Variants in CYRIB observed in about 807,000 individuals in gnomAD.
The protein encoded by CYRIB is CYFIP related Rac1 interactor B.
Under a neutral mutation model 44.2 loss-of-function variants are expected in CYRIB, and 8 were observed. That is an observed-to-expected ratio of 0.18 (90% CI 0.11 to 0.33). The LOEUF (loss-of-function observed/expected upper bound fraction) is 0.33. CYRIB is among the 10% of genes least tolerant of loss of function. The pLI is 1.00. For synonymous variants in CYRIB, 131 were observed against 127.2 expected, an observed-to-expected ratio of 1.03 and a Z score of -0.20; for missense variants, 185 against 382.8, an observed-to-expected ratio of 0.48 and a Z score of 4.31.
At chr8:129,934,051 T>G (rs2092322077) in intron 1 of CYRIB, among the ~76,000 whole-genome samples, 1 of 152,144 alleles carries the variant, frequency 6.6e-6, no homozygotes, top group South Asian at 2.1e-4. Context: ...AAGGATCACT[T>G]TGAGCCATAA....
At chr8:130,017,125 GGCCT>G (rs967838211), upstream of CYRIB, 1 of 152,200 alleles carries the variant, frequency 6.6e-6, no homozygotes, top group African/African-American at 2.4e-5. Flanking sequence ...ATACTTACTG[GGCCT>G]ACTAAGTGCC....
intron 5 of CYRIB, among the ~76,000 whole-genome samples, chr8:129,856,699 G>A (rs1486049595): frequency 6.6e-6 from 1 of 152,148 alleles, no homozygotes; most frequent in Non-Finnish European, 1.5e-5. Flanking sequence ...TTACGTATGA[G>A]TCAACATCTA....
In CYRIB at chr8:129,922,562, T is replaced by C. The variant is rs545567762; in HGVS notation, c.-50+17046A>G. On this transcript the variant is annotated intron_variant, in intron 1 of 11. Transcript: ENST00000519824. ...AAAAAATGGCAAAACACCAAGATCATTTAAAAAATATCTAATAAAGGCCGG... is the reference window on the plus strand; with the variant it reads ...AAAAAATGGCAAAACACCAAGATCACTTAAAAAATATCTAATAAAGGCCGG... Among the ~76,000 whole-genome samples the C allele has an allele frequency of 7.2e-5, 11 of 152,242 alleles. No homozygotes were observed. The East Asian group carries it at 1.7e-3, about 24-fold the overall frequency.
At chr8:129,949,694 AC>A (rs1468276477) in intron 2 of CYRIB, among the ~76,000 whole-genome samples, 2 of 150,678 alleles carry the variant, frequency 1.3e-5, no homozygotes, top group African/African-American at 2.5e-5. Context: ...ACATAGAGAA[AC>A]CCTGTCTCTA....
In CYRIB at chr8:130,011,556, G is replaced by A. The variant is rs539655945; in HGVS notation, c.-296+4814C>T. Among the ~76,000 whole-genome samples the A allele has an allele frequency of 1.0e-3, 157 of 151,964 alleles. 1 individual carries two copies. Among genetic ancestry groups the A allele is most frequent in the African/African-American group, 3.5e-3 (143 of 41,418 alleles). ...AATTAGGCTGGGCATGGTGGCTCAC[G>A]CCTGTAATCCCAGCACGTTGGGAGG... On this transcript the variant is annotated intron_variant, in intron 1 of 14. Transcript: ENST00000401979.
intron 1 of CYRIB, among the ~76,000 whole-genome samples, chr8:129,991,355 T>C (rs541118756): frequency 3.4e-4 from 52 of 152,180 alleles, no homozygotes; most frequent in African/African-American, 1.2e-3. Flanking sequence ...TGTGGCTGTA[T>C]TGAGAGGCAG....
chr8:129,861,782 G>T (rs2049792878), intron 5 of CYRIB, among the ~76,000 whole-genome samples: 2 of 152,044 alleles, frequency 1.3e-5, no homozygotes, highest in African/African-American at 4.8e-5. Context: ...TTAGATACAT[G>T]AATTAAGCGT....
intron 2 of CYRIB, chr8:129,947,838 T>G (rs1399833250): frequency 3.9e-5 from 6 of 152,222 alleles, no homozygotes; most frequent in Non-Finnish European, 7.3e-5. Flanking sequence ...TCAACCTTTC[T>G]TAATAAAGGA....
intron 1 of CYRIB, among the ~76,000 whole-genome samples, chr8:129,910,933 T>C (rs929537587): frequency 3.3e-5 from 5 of 152,346 alleles, no homozygotes; most frequent in Middle Eastern, 3.4e-3. Flanking sequence ...GCTGGAATTA[T>C]AGGCATGAGC....
chr8:129,921,519 G>A (rs890046982), intron 1 of CYRIB, among the ~76,000 whole-genome samples: 1 of 152,086 alleles, frequency 6.6e-6, no homozygotes. Flanking sequence ...GCAGCGGCAC[G>A]ATCACAGTTC....
intron 4 of CYRIB, among the ~76,000 whole-genome samples, chr8:129,867,657 ACT>A (rs891911236): frequency 3.5e-4 from 53 of 151,860 alleles, no homozygotes; most frequent in African/African-American, 1.2e-3. Flanking sequence ...TAATAAGAAA[ACT>A]CTCAGTTCAT....
chr8:129,925,408 A>AATG (rs138252097), intron 1 of CYRIB, among the ~76,000 whole-genome samples: 4,162 of 152,118 alleles, frequency 0.027, 92 homozygotes, highest in Non-Finnish European at 0.038. Flanking sequence ...TAATAATAAT[A>AATG]ATGATGACAA....
At chr8:129,879,947 G>A (rs908557992) in intron 2 of CYRIB, among the ~76,000 whole-genome samples, 11 of 152,016 alleles carry the variant, frequency 7.2e-5, no homozygotes, top group East Asian at 1.9e-4. Flanking sequence ...TCCTGCATGC[G>A]GTTCAATAAA....
intron 1 of CYRIB, among the ~76,000 whole-genome samples, chr8:129,918,604 C>T (rs1460197301): frequency 6.6e-6 from 1 of 152,172 alleles, no homozygotes; most frequent in Non-Finnish European, 1.5e-5. Context: ...TAAAAATCTT[C>T]TCTGTAGGCC....
intron 2 of CYRIB, among the ~76,000 whole-genome samples, chr8:129,944,841 T>C (rs2094025409): frequency 6.6e-6 from 1 of 152,066 alleles, no homozygotes; most frequent in Non-Finnish European, 1.5e-5. Context: ...CATTGGTTTC[T>C]TCAGATATGT....
At chr8:129,905,216 T>TTGATTGAC (rs2074616640) in intron 1 of CYRIB, among the ~76,000 whole-genome samples, 2 of 151,780 alleles carry the variant, frequency 1.3e-5, no homozygotes, top group South Asian at 4.2e-4. Context: ...GATTGATTGA[T>TTGATTGAC]TGATTGATTG....
At chr8:129,909,052 A>G (rs2076812451) in intron 1 of CYRIB, among the ~76,000 whole-genome samples, 1 of 152,180 alleles carries the variant, frequency 6.6e-6, no homozygotes, top group Non-Finnish European at 1.5e-5. Context: ...TCAGCCTAGC[A>G]AAGTGCTGGG....
intron 1 of CYRIB, among the ~76,000 whole-genome samples, chr8:129,936,513 T>C (rs2086642): frequency 0.022 from 3,280 of 152,248 alleles, 136 homozygotes; most frequent in African/African-American, 0.074. Context: ...TTATGTATAA[T>C]TGTAGAAACT....
chr8:129,968,939 A>C (rs186514460), intron 2 of CYRIB, among the ~76,000 whole-genome samples: 1 of 150,670 alleles, frequency 6.6e-6, no homozygotes, highest in Admixed American at 6.6e-5. Context: ...CTCAGGCTCT[A>C]TAGCTTCTGT....
Sources: allele counts gnomAD v4.1 joint callset (sites outside exome capture counted in the v4.1 genomes callset), GRCh38; gene constraint gnomAD v4.1.1; transcripts MANE v1.5; gene names NCBI Gene and HGNC (gene_info 2026-07-23, HGNC 2026-07-21).